PTPRN2: variants seen among roughly 807,000 people sequenced by gnomAD.
PTPRN2 encodes protein tyrosine phosphatase receptor type N2, also known as receptor-type tyrosine-protein phosphatase N2.
PTPRN2 carries 74 observed loss-of-function variants against 118.8 expected under a neutral mutation model. The ratio of observed to expected loss-of-function variants is 0.62; its 90% CI spans 0.52 to 0.76. PTPRN2 has a LOEUF of 0.76. Among genes scored for constraint, PTPRN2 ranks in the 30% least tolerant of loss-of-function variants. The probability of loss-of-function intolerance (pLI) is 0.00; values close to 1 mark genes in which losing one functional copy is unlikely to be tolerated. For synonymous variants in PTPRN2, 641 were observed against 608.0 expected (o/e 1.05, Z -0.80); for missense variants, 1,481 against 1,394.4 (o/e 1.06, Z -0.99).
intron 11 of PTPRN2, among the ~76,000 whole-genome samples, chr7:157,991,886 C>T (rs979183872): frequency 2.6e-5 from 4 of 152,210 alleles, no homozygotes; most frequent in Admixed American, 6.5e-5. Context: ...CAGACCCTCC[C>T]GGGGCTCAAA....
chr7:157,805,027 G>A (rs747055292), intron 12 of PTPRN2, among the ~76,000 whole-genome samples: 11 of 152,244 alleles, frequency 7.2e-5, no homozygotes, highest in Middle Eastern at 3.4e-3. Flanking sequence ...TGGGAGTGCC[G>A]CTCTGCACAC....
At chr7:158,263,410 A>C (rs73522335) in intron 3 of PTPRN2, among the ~76,000 whole-genome samples, 3,071 of 145,288 alleles carry the variant, frequency 0.021, 112 homozygotes, top group African/African-American at 0.075. Context: ...TTCATCCACA[A>C]TGCACAAACA....
At chr7:157,669,622 C>T in intron 13 of PTPRN2, 1 of 450,354 alleles carries the variant, frequency 2.2e-6, no homozygotes, top group Non-Finnish European at 4.4e-6. Context: ...GTTGGCCAAG[C>T]AATATGGAGT....
At chr7:157,946,298 A>G (rs1162298994) in intron 11 of PTPRN2, among the ~76,000 whole-genome samples, 1 of 152,158 alleles carries the variant, frequency 6.6e-6, no homozygotes, top group African/African-American at 2.4e-5. Flanking sequence ...AAAAAAAAAA[A>G]GTAAAATCCA....
chr7:158,437,441 C>T (rs1816647035), intron 2 of PTPRN2, among the ~76,000 whole-genome samples: 1 of 152,190 alleles, frequency 6.6e-6, no homozygotes, highest in South Asian at 2.1e-4. Flanking sequence ...CTTGGTCTTG[C>T]TTCTTGACAA....
intron 11 of PTPRN2, among the ~76,000 whole-genome samples, chr7:157,924,411 C>T (rs34123695): frequency 0.61 from 92,021 of 151,982 alleles, 28,065 homozygotes; most frequent in African/African-American, 0.67. Flanking sequence ...GCCCTGTTGC[C>T]AGAGCTCAGC....
At chr7:158,272,032 G>A (rs1294767271) in intron 3 of PTPRN2, among the ~76,000 whole-genome samples, 1 of 152,208 alleles carries the variant, frequency 6.6e-6, no homozygotes, top group Non-Finnish European at 1.5e-5. Flanking sequence ...GTTAAAAGCT[G>A]CACCATCAAA....
At chr7:158,540,597 C>G (rs1375596502) in intron 1 of PTPRN2, among the ~76,000 whole-genome samples, 1 of 152,152 alleles carries the variant, frequency 6.6e-6, no homozygotes, top group Non-Finnish European at 1.5e-5. Context: ...GCGTACCCTC[C>G]AAAGGGACAG....
intron 11 of PTPRN2, among the ~76,000 whole-genome samples, chr7:157,948,735 C>T (rs1312516559): frequency 6.6e-6 from 1 of 152,164 alleles, no homozygotes; most frequent in Non-Finnish European, 1.5e-5. Flanking sequence ...TAAAATGCTC[C>T]AAAATCTGAA....
At chr7:157,663,499 G>C (rs1003157460) in intron 13 of PTPRN2, among the ~76,000 whole-genome samples, 9 of 152,246 alleles carry the variant, frequency 5.9e-5, no homozygotes, top group African/African-American at 1.9e-4. Context: ...GGTCGGGCCA[G>C]CTCCCTCCAA....
At chr7:158,112,149 C>A (rs77440998) in intron 9 of PTPRN2, among the ~76,000 whole-genome samples, 7 of 152,174 alleles carry the variant, frequency 4.6e-5, no homozygotes, top group African/African-American at 1.7e-4. Flanking sequence ...GGATTTCCCA[C>A]TTTGGAAGTG....
At chr7:158,412,722 C>CT (rs2151437334) in intron 2 of PTPRN2, among the ~76,000 whole-genome samples, 1 of 134,076 alleles carries the variant, frequency 7.5e-6, no homozygotes, top group Non-Finnish European at 1.6e-5. Flanking sequence ...CAGGGCCCAT[C>CT]CAGCGCCCTC....
intron 2 of PTPRN2, among the ~76,000 whole-genome samples, chr7:158,355,823 G>A (rs1266550946): frequency 6.6e-6 from 1 of 152,188 alleles, no homozygotes; most frequent in South Asian, 2.1e-4. Flanking sequence ...AGATGATGGG[G>A]TGAGACCTCG....
intron 3 of PTPRN2, among the ~76,000 whole-genome samples, chr7:158,275,043 G>A (rs1798867528): frequency 6.6e-6 from 1 of 152,194 alleles, no homozygotes; most frequent in Non-Finnish European, 1.5e-5. Context: ...TCAAAAAGCT[G>A]CCTTCTGAGG....
At chr7:157,634,523 A>G (rs1804180822) in intron 14 of PTPRN2, among the ~76,000 whole-genome samples, 2 of 152,200 alleles carry the variant, frequency 1.3e-5, no homozygotes, top group South Asian at 4.1e-4. Context: ...TTGTCCACAG[A>G]TGAGGCAACT....
At chr7:157,827,077 A>C (rs146196928) in intron 12 of PTPRN2, among the ~76,000 whole-genome samples, 2 of 152,182 alleles carry the variant, frequency 1.3e-5, no homozygotes, top group African/African-American at 4.8e-5. Flanking sequence ...CTAACACAAC[A>C]CTGCCAGACA....
chr7:158,036,449 A>G (rs1808096097), intron 11 of PTPRN2, among the ~76,000 whole-genome samples: 1 of 152,220 alleles, frequency 6.6e-6, no homozygotes, highest in Non-Finnish European at 1.5e-5. Flanking sequence ...TCTAGGACAC[A>G]ATTTACTTTA....
intron 11 of PTPRN2, among the ~76,000 whole-genome samples, chr7:157,973,595 G>A (rs1464851719): frequency 1.3e-5 from 2 of 152,168 alleles, no homozygotes; most frequent in African/African-American, 4.8e-5. Context: ...GGCTTACCCT[G>A]TAAAGAATAT....
At chr7:158,475,963 G>A (rs150877850) in intron 2 of PTPRN2, among the ~76,000 whole-genome samples, 25 of 152,266 alleles carry the variant, frequency 1.6e-4, no homozygotes, top group African/African-American at 5.3e-4. Flanking sequence ...ATCTGGGCTC[G>A]GAAACCTGCA....
Sources: gnomAD v4.1 joint callset for allele counts (sites outside exome capture counted in the v4.1 genomes callset) on GRCh38, gnomAD v4.1.1 for gene constraint, MANE v1.5 for transcripts, NCBI Gene and HGNC (gene_info 2026-07-23, HGNC 2026-07-21) for gene names.